ANKRD6: variants seen among roughly 807,000 people sequenced by gnomAD.
ANKRD6 encodes the protein ankyrin repeat domain 6, also known as ankyrin repeat domain-containing protein 6.
In ANKRD6, 56 loss-of-function variants were observed where a neutral mutation model predicts 82.3. The observed-to-expected ratio is 0.68, with a 90% CI of 0.55 to 0.85. The LOEUF (loss-of-function observed/expected upper bound fraction) is 0.85, where lower values mean the gene tolerates loss of function less well. Ranked by LOEUF, ANKRD6 falls within the 40% of genes least tolerant of loss-of-function variation. ANKRD6 has a pLI of 0.00. For synonymous variants in ANKRD6, 347 were observed against 352.1 expected (o/e 0.99, Z 0.16); for missense variants, 852 against 907.6 (o/e 0.94, Z 0.79).
At chr6:89,485,077 A>G (rs975233990) in intron 1 of ANKRD6, among the ~76,000 whole-genome samples, 1 of 152,180 alleles carries the variant, frequency 6.6e-6, no homozygotes, top group Non-Finnish European at 1.5e-5. Context: ...AGGCATCTTG[A>G]AATGCCCCAG....
intron 1 of ANKRD6, among the ~76,000 whole-genome samples, chr6:89,466,969 A>G (rs990821208): frequency 5.3e-5 from 8 of 152,176 alleles, no homozygotes; most frequent in African/African-American, 1.9e-4. Context: ...GGCCTCCCAA[A>G]GTGCTGGGAT....
chr6:89,463,920 T>G (rs1279639453), intron 1 of ANKRD6, among the ~76,000 whole-genome samples: 2 of 152,204 alleles, frequency 1.3e-5, no homozygotes, highest in Non-Finnish European at 2.9e-5. Flanking sequence ...ATCTTTCTCA[T>G]TGAAGGAGCT....
chr6:89,593,947 C>A (rs1043949716), intron 2 of ANKRD6, among the ~76,000 whole-genome samples: 4 of 152,208 alleles, frequency 2.6e-5, no homozygotes, highest in African/African-American at 9.6e-5. Flanking sequence ...AGCGAATGGT[C>A]TTCTCTATGA....
chr6:89,601,217 AG>A (rs1797071410), intron 3 of ANKRD6, among the ~76,000 whole-genome samples: 1 of 152,162 alleles, frequency 6.6e-6, no homozygotes, highest in Non-Finnish European at 1.5e-5. Flanking sequence ...TCTTTGAATA[AG>A]GGGTCTGGGA....
intron 1 of ANKRD6, among the ~76,000 whole-genome samples, chr6:89,541,109 G>T (rs772942454): frequency 6.6e-5 from 10 of 151,914 alleles, no homozygotes; most frequent in Non-Finnish European, 1.2e-4. Context: ...GGCTACTCTG[G>T]GTCTTTTGTG....
intron 1 of ANKRD6, among the ~76,000 whole-genome samples, chr6:89,485,902 A>G (rs1352633534): frequency 6.6e-6 from 1 of 152,228 alleles, no homozygotes; most frequent in Non-Finnish European, 1.5e-5. Context: ...TTGTGCATAT[A>G]TACAACTCTT....
intron 1 of ANKRD6, among the ~76,000 whole-genome samples, chr6:89,436,611 G>A (rs766678938): frequency 2.6e-5 from 4 of 152,246 alleles, no homozygotes; most frequent in Non-Finnish European, 5.9e-5. Flanking sequence ...GGTACCTAGA[G>A]TAGTCATACA....
At chr6:89,547,546 G>A (rs1440393884) in intron 1 of ANKRD6, among the ~76,000 whole-genome samples, 6 of 152,192 alleles carry the variant, frequency 3.9e-5, no homozygotes, top group Non-Finnish European at 8.8e-5. Context: ...CTCCCTGACA[G>A]CAGCTGCTTG....
intron 1 of ANKRD6, among the ~76,000 whole-genome samples, chr6:89,524,515 C>T (rs1019622437): frequency 2.6e-5 from 4 of 152,136 alleles, no homozygotes; most frequent in African/African-American, 7.2e-5. Context: ...TAACGACATT[C>T]GCAGCAACTG....
intron 1 of ANKRD6, among the ~76,000 whole-genome samples, chr6:89,497,505 A>G (rs1311028534): frequency 6.6e-6 from 1 of 152,148 alleles, no homozygotes; most frequent in Non-Finnish European, 1.5e-5. Flanking sequence ...AATGGTATAT[A>G]TGACTAGATG....
chr6:89,434,088 A>G (rs559611403), intron 1 of ANKRD6, among the ~76,000 whole-genome samples: 1 of 152,328 alleles, frequency 6.6e-6, no homozygotes, highest in East Asian at 1.9e-4. Context: ...GCGAGGTAGC[A>G]TGAGATGGGT....
chr6:89,530,688 G>C (rs1003763973), intron 1 of ANKRD6, among the ~76,000 whole-genome samples: 4 of 152,226 alleles, frequency 2.6e-5, no homozygotes, highest in Non-Finnish European at 5.9e-5. Context: ...CCAGCAGGAA[G>C]GGCTCTGGTT....
At chr6:89,495,090 C>T (rs925104493) in intron 1 of ANKRD6, among the ~76,000 whole-genome samples, 2 of 152,074 alleles carry the variant, frequency 1.3e-5, no homozygotes, top group African/African-American at 4.8e-5. Flanking sequence ...AAAAATTAGC[C>T]GGGCGTGGTG....
intron 1 of ANKRD6, among the ~76,000 whole-genome samples, chr6:89,547,381 T>C (rs999538352): frequency 1.3e-5 from 2 of 152,202 alleles, no homozygotes; most frequent in African/African-American, 2.4e-5. Context: ...GCCTTTGTCA[T>C]GGCCTGCAGA....
chr6:89,611,991 G>A (rs1019938427), intron 5 of ANKRD6, among the ~76,000 whole-genome samples: 1 of 152,208 alleles, frequency 6.6e-6, no homozygotes, highest in East Asian at 1.9e-4. Context: ...CATTTCCCAG[G>A]TAAGGAATTT....
In ANKRD6 at chr6:89,589,364, C is replaced by G. The variant is rs954431070; in HGVS notation, c.121-6552C>G. On this transcript the variant is annotated intron_variant, in intron 2 of 15. Transcript: ENST00000339746. ...CGCCTCCTTCCGAGGGTCCTGGCCC[C>G]TCCTAGGAAGGGTTTTCTGACATAA... Among the ~76,000 whole-genome samples the G allele has an allele frequency of 3.3e-5, 5 of 152,148 alleles. No homozygotes were observed. The East Asian group carries it at 9.6e-4, about 29-fold the overall frequency.
chr6:89,606,865 G>A (rs1400555076), intron 5 of ANKRD6, among the ~76,000 whole-genome samples: 2 of 151,620 alleles, frequency 1.3e-5, no homozygotes, highest in South Asian at 2.1e-4. Context: ...GGGGGCAGGT[G>A]GGGGCGGGGG....
chr6:89,522,537 AAAG>A, intron 1 of ANKRD6, among the ~76,000 whole-genome samples: 1 of 152,316 alleles, frequency 6.6e-6, no homozygotes. Flanking sequence ...ACAGGCCAAA[AAAG>A]AAACAACTAC....
chr6:89,494,534 A>G (rs1778378250), intron 1 of ANKRD6, among the ~76,000 whole-genome samples: 1 of 152,174 alleles, frequency 6.6e-6, no homozygotes, highest in Non-Finnish European at 1.5e-5. Context: ...TGTTTTGCAT[A>G]CTCACAAAGA....
Sources: allele counts gnomAD v4.1 joint callset (sites outside exome capture counted in the v4.1 genomes callset), GRCh38; gene constraint gnomAD v4.1.1; transcripts MANE v1.5; gene names NCBI Gene and HGNC (gene_info 2026-07-23, HGNC 2026-07-21).